The following NSUN4 variants were observed in gnomAD, a reference collection of about 807,000 sequenced individuals.
The protein encoded by NSUN4 is 5-cytosine rRNA methyltransferase NSUN4.
Under a neutral mutation model 43.8 loss-of-function variants are expected in NSUN4, and 31 were observed. The observed-to-expected ratio is 0.71, with a 90% confidence interval of 0.53 to 0.96. The LOEUF is 0.96. Ranked by LOEUF, NSUN4 falls within the 40% of genes least tolerant of loss-of-function variation. The probability of loss-of-function intolerance (pLI) is 0.00; values close to 1 mark genes in which losing one functional copy is unlikely to be tolerated. For synonymous variants in NSUN4, 167 were observed against 184.1 expected, an observed-to-expected ratio of 0.91 and a Z score of 0.75; for missense variants, 439 against 475.6, an observed-to-expected ratio of 0.92 and a Z score of 0.72.
downstream of NSUN4, among the ~76,000 whole-genome samples, chr1:46,366,406 T>C (rs971087180): frequency 6.6e-6 from 1 of 152,112 alleles, no homozygotes; most frequent in Non-Finnish European, 1.5e-5. Flanking sequence ...CTAGCTTTTA[T>C]GTTTGGTGCT....
intron 3 of NSUN4, among the ~76,000 whole-genome samples, chr1:46,350,372 A>T (rs1411816635): frequency 1.3e-5 from 2 of 151,260 alleles, no homozygotes; most frequent in African/African-American, 2.4e-5. Context: ...TCATTAAAAT[A>T]AAAAAAAAGG....
the NSUN4 span, among the ~76,000 whole-genome samples, chr1:46,383,958 G>C: frequency 2.0e-5 from 3 of 152,212 alleles, no homozygotes; most frequent in Non-Finnish European, 4.4e-5. Context: ...CTGCTGTGTC[G>C]TTCACCTATT....
At chr1:46,348,640 T>G (rs544617434) in intron 3 of NSUN4, among the ~76,000 whole-genome samples, 3 of 136,938 alleles carry the variant, frequency 2.2e-5, no homozygotes, top group Non-Finnish European at 3.0e-5. Context: ...ACCTGGGAGA[T>G]GGAGGTTGCA....
In NSUN4 at chr1:46,343,040, T is replaced by C. The variant is rs1038325150; in HGVS notation, c.94-1761T>C. ...CCACTTCTTTTCCCCTCTGCCTTCC[T>C]TGTGATCCTGTCTCGGCCAATAGTT... On this transcript the variant is annotated intron_variant, in intron 1 of 5. Transcript: ENST00000474844. 5 of 399,890 alleles carry C rather than the reference T, an allele frequency of 1.3e-5. No homozygotes were observed. In the Admixed American group the frequency reaches 1.3e-4, roughly 11 times the overall value. 24.8% of individuals were successfully genotyped at this position (399,890 alleles called of 1,614,324 possible).
At position 46,345,074 on chromosome 1, in the gene NSUN4, T is replaced by G; in HGVS notation, c.367T>G (p.Trp123Gly). 8.7e-6 allele frequency: 14 copies of G among 1,614,150 alleles called. No individual in the cohort carries two copies. Among genetic ancestry groups the G allele is most frequent in the Non-Finnish European group, 1.2e-5 (14 of 1,180,006 alleles). Residue 123 changes from tryptophan to glycine, a missense_variant, in exon 2 of 6, where the codon TGG (tryptophan) becomes GGG (glycine). Trp to Gly is a radical substitution (Grantham distance 184). Transcript: ENST00000474844. ...ATCTGCAGCCCCATCCCCTGCCTCC[T>G]GGGCCTGCAGTCCGAACCTTCGATG... The part of the protein sequence containing the change: ...GQSAAPSPAS[W>G]ACSPNLRCFT...
chr1:46,349,211 C>T (rs112678351), intron 3 of NSUN4, among the ~76,000 whole-genome samples: 1 of 150,518 alleles, frequency 6.6e-6, no homozygotes, highest in African/African-American at 2.4e-5. Context: ...GTGATCTCGG[C>T]TCACTGCAAA....
chr1:46,377,651 T>C, the NSUN4 span, among the ~76,000 whole-genome samples: 5 of 152,160 alleles, frequency 3.3e-5, no homozygotes, highest in Admixed American at 6.6e-5. Flanking sequence ...AATAAAAATG[T>C]TTTCGTAATA....
chr1:46,341,651 C>A, intron 1 of NSUN4: 1 of 1,227,140 alleles, frequency 8.1e-7, no homozygotes, highest in Non-Finnish European at 1.0e-6. Flanking sequence ...CTCTTCCACC[C>A]CCACAACCTT....
downstream of NSUN4, among the ~76,000 whole-genome samples, chr1:46,366,798 T>C (rs967181728): frequency 6.6e-6 from 1 of 151,778 alleles, no homozygotes; most frequent in Admixed American, 6.6e-5. Context: ...GGGATCATAT[T>C]GAGAGACCTG....
At chr1:46,376,423 A>G in the NSUN4 span, among the ~76,000 whole-genome samples, 1 of 151,946 alleles carries the variant, frequency 6.6e-6, no homozygotes, top group East Asian at 1.9e-4. Flanking sequence ...AAAAAAAAGC[A>G]TAGTAGTAAA....
At chr1:46,350,441 G>A (rs1460483961) in intron 3 of NSUN4, among the ~76,000 whole-genome samples, 1 of 152,164 alleles carries the variant, frequency 6.6e-6, no homozygotes, top group Non-Finnish European at 1.5e-5. Flanking sequence ...ATTAGATAAG[G>A]TGGACACTTG....
the NSUN4 span, among the ~76,000 whole-genome samples, chr1:46,379,221 G>T: frequency 6.6e-6 from 1 of 152,184 alleles, no homozygotes; most frequent in Admixed American, 6.5e-5. Flanking sequence ...ACAGTGCTTT[G>T]TAAATTGTCA....
Position 46,344,841 on chromosome 1 carries a change from T to A in NSUN4, c.134T>A (p.Leu45Ter). The A allele has an allele frequency of 6.2e-7, 1 of 1,614,248 alleles. No homozygotes were observed. Among genetic ancestry groups the A allele is most frequent in the Non-Finnish European group, 8.5e-7 (1 of 1,180,044 alleles). The change falls in exon 2 of 6, where the codon TTG becomes TAG. Residue 45 changes from leucine to a stop codon, truncating the protein, a stop_gained. Coordinates refer to ENST00000474844, the MANE Select transcript of NSUN4 (RefSeq NM_199044.4). LOFTEE classifies it high-confidence loss of function. Reference sequence around the variant, plus strand: ...AAATTCCCTGCTGTTCGACTGGCTTTGCAGAATTTTGACATGACTTACAGT... The same window carrying A: ...AAATTCCCTGCTGTTCGACTGGCTTAGCAGAATTTTGACATGACTTACAGT... ...EPKFPAVRLA[L>*]QNFDMTYSVQ...
chr1:46,358,398 A>ATTTTTTTTTTTTTTTTTTTT (rs34719174), intron 4 of NSUN4, among the ~76,000 whole-genome samples: 1 of 95,456 alleles, frequency 1.0e-5, no homozygotes, highest in Non-Finnish European at 2.0e-5. Context: ...TCCTGGCCTA[A>ATTTTTTTTTTTTTTTTTTTT]TTTTTTTTTT....
chr1:46,344,578 C>G (rs1662344924), intron 1 of NSUN4, among the ~76,000 whole-genome samples: 3 of 152,210 alleles, frequency 2.0e-5, no homozygotes, highest in African/African-American at 7.2e-5. Flanking sequence ...GACCCCCGCA[C>G]AGTACCGTGA....
the NSUN4 span, among the ~76,000 whole-genome samples, chr1:46,371,739 C>T: frequency 5.3e-4 from 81 of 152,104 alleles, no homozygotes; most frequent in African/African-American, 1.8e-3. Context: ...CGCGCCTGAC[C>T]AGGGAGCTTT....
At chr1:46,349,542 T>C (rs1023521366) in intron 3 of NSUN4, among the ~76,000 whole-genome samples, 6 of 152,214 alleles carry the variant, frequency 3.9e-5, no homozygotes, top group Non-Finnish European at 8.8e-5. Context: ...GGCCGTAATT[T>C]ACACACCTAA....
intron 3 of NSUN4, among the ~76,000 whole-genome samples, chr1:46,350,486 G>C (rs1662898470): frequency 6.6e-6 from 1 of 152,178 alleles, no homozygotes; most frequent in Non-Finnish European, 1.5e-5. Context: ...ACCCTACCTT[G>C]TTGTTCTTTG....
At chr1:46,341,410 C>T (rs1445227744) in intron 1 of NSUN4, 4 of 1,005,318 alleles carry the variant, frequency 4.0e-6, no homozygotes, top group Non-Finnish European at 4.7e-6. Context: ...GGATTCAGCC[C>T]CTTCCTCAAC....
Sources: allele counts gnomAD v4.1 joint callset (sites outside exome capture counted in the v4.1 genomes callset), GRCh38; gene constraint gnomAD v4.1.1; transcripts MANE v1.5; gene names NCBI Gene and HGNC (gene_info 2026-07-23, HGNC 2026-07-21).